MAPKAPK3: variants seen among roughly 807,000 people sequenced by gnomAD.
MAPKAPK3 encodes MAPK activated protein kinase 3, also known as MAP kinase-activated protein kinase 3.
A neutral mutation model predicts 49.2 loss-of-function variants in MAPKAPK3; 35 were observed. The observed-to-expected ratio is 0.71, with a 90% CI of 0.54 to 0.94. MAPKAPK3 has a LOEUF of 0.94. MAPKAPK3 is among the 40% of genes least tolerant of loss of function. The probability of loss-of-function intolerance (pLI) is 0.00; values close to 1 mark genes in which losing one functional copy is unlikely to be tolerated. For synonymous variants in MAPKAPK3, 178 were observed against 188.7 expected (o/e 0.94, Z 0.46); for missense variants, 398 against 493.1 (o/e 0.81, Z 1.83).
At chr3:50,634,990 C>T (rs2032999997) in intron 2 of MAPKAPK3, among the ~76,000 whole-genome samples, 1 of 152,186 alleles carries the variant, frequency 6.6e-6, no homozygotes, top group Admixed American at 6.5e-5. Flanking sequence ...TGCCTTGTTA[C>T]CCACTTATCT....
intron 9 of MAPKAPK3, 139 bp from the exon 10 acceptor site, chr3:50,646,984 A>G: frequency 9.8e-7 from 1 of 1,024,728 alleles, no homozygotes. Context: ...TGGCTTTGTC[A>G]CTGCCCTAGT....
At chr3:50,618,135 A>G (rs902037225) in intron 2 of MAPKAPK3, among the ~76,000 whole-genome samples, 4 of 152,172 alleles carry the variant, frequency 2.6e-5, no homozygotes, top group African/African-American at 9.7e-5. Context: ...TGCCCCTTCC[A>G]TGTGAAGCTC....
chr3:50,645,085 G>A (rs988475993), intron 6 of MAPKAPK3, among the ~76,000 whole-genome samples: 4 of 152,184 alleles, frequency 2.6e-5, no homozygotes, highest in African/African-American at 9.7e-5. Flanking sequence ...TAACCTGAGA[G>A]TGGGGTGATG....
At chr3:50,639,146 A>T (rs967310908) in intron 2 of MAPKAPK3, among the ~76,000 whole-genome samples, 1 of 152,186 alleles carries the variant, frequency 6.6e-6, no homozygotes, top group Non-Finnish European at 1.5e-5. Context: ...CGCCCACTGG[A>T]TGCTTGCCTT....
At chr3:50,622,326 C>A (rs188335438) in intron 2 of MAPKAPK3, among the ~76,000 whole-genome samples, 75 of 152,260 alleles carry the variant, frequency 4.9e-4, no homozygotes, top group African/African-American at 1.7e-3. Context: ...CAGTCCAGCC[C>A]ACCTCCCTTT....
At chr3:50,642,108 C>T (rs1485597417) in intron 4 of MAPKAPK3, 145 bp from the exon 5 acceptor site, 8 of 661,314 alleles carry the variant, frequency 1.2e-5, no homozygotes, top group East Asian at 2.7e-5. Flanking sequence ...GTAGACATCC[C>T]GGGATAGAGA....
At chr3:50,634,608 C>G (rs956876651) in intron 2 of MAPKAPK3, among the ~76,000 whole-genome samples, 1 of 152,084 alleles carries the variant, frequency 6.6e-6, no homozygotes, top group Non-Finnish European at 1.5e-5. Context: ...CCTGCCTCAG[C>G]CTTCCAAGTA....
At chr3:50,635,987 C>T (rs919946399) in intron 2 of MAPKAPK3, among the ~76,000 whole-genome samples, 1 of 149,962 alleles carries the variant, frequency 6.7e-6, no homozygotes, top group Non-Finnish European at 1.5e-5. Context: ...TGGCATGCAC[C>T]TGTGGTCCCA....
At chr3:50,644,310 C>T (rs1256774563) in intron 5 of MAPKAPK3, 99 bp from the exon 6 acceptor site, 5 of 1,420,132 alleles carry the variant, frequency 3.5e-6, no homozygotes, top group Middle Eastern at 2.2e-4. Flanking sequence ...GCTCCTTCTG[C>T]ACTGGGATGG....
intron 3 of MAPKAPK3, 48 bp from the exon 4 acceptor site, chr3:50,641,659 G>A (rs1415958117): frequency 6.8e-7 from 1 of 1,474,498 alleles, no homozygotes. Context: ...GCAAGGGTAG[G>A]ATGATGTGCA....
chr3:50,645,804 C>T lies in MAPKAPK3; in HGVS notation c.704+19C>T. ...ACATCCTGTGAGTACCTTCCCCACC[C>T]CCTGCCTCCATCTCCTGCCCTTACC... On this transcript the variant is annotated intron_variant, in intron 7 of 10. Transcript: ENST00000621469. The T allele has an allele frequency of 6.2e-7, 1 of 1,611,716 alleles. No individual in the cohort carries two copies. Among genetic ancestry groups the T allele is most frequent in the Non-Finnish European group, 8.5e-7 (1 of 1,177,916 alleles).
At chr3:50,613,448 G>C (rs943291041), upstream of MAPKAPK3, among the ~76,000 whole-genome samples, 3 of 152,218 alleles carry the variant, frequency 2.0e-5, no homozygotes, top group African/African-American at 7.2e-5. Flanking sequence ...CCACTTTCTT[G>C]GAATGGGGGT....
intron 4 of MAPKAPK3, 45 bp downstream of exon 4, chr3:50,641,816 G>A (rs1414371077): frequency 2.0e-6 from 3 of 1,520,666 alleles, no homozygotes; most frequent in Non-Finnish European, 1.8e-6. Context: ...AGGGTGAGAG[G>A]TATGGACCAG....
At chr3:50,619,427 G>A (rs538436129) in intron 2 of MAPKAPK3, among the ~76,000 whole-genome samples, 32 of 152,308 alleles carry the variant, frequency 2.1e-4, no homozygotes, top group South Asian at 1.5e-3. Flanking sequence ...CCCAGCAGTC[G>A]AATGGGGTCG....
intron 1 of MAPKAPK3, 90 bp from the exon 2 acceptor site, chr3:50,617,424 C>T: frequency 6.8e-6 from 4 of 591,200 alleles, no homozygotes; most frequent in Non-Finnish European, 1.2e-5. Flanking sequence ...CAGCTTGCCC[C>T]GGGCTCGCAG....
At chr3:50,644,679 G>C (rs186678459) in intron 6 of MAPKAPK3, 147 bp downstream of exon 6, 5 of 807,768 alleles carry the variant, frequency 6.2e-6, no homozygotes, top group African/African-American at 3.5e-5. Flanking sequence ...CGGGTGACGT[G>C]GGGGGCCGGA....
At chr3:50,627,434 A>G (rs1007985775) in intron 2 of MAPKAPK3, among the ~76,000 whole-genome samples, 1 of 152,248 alleles carries the variant, frequency 6.6e-6, no homozygotes, top group East Asian at 1.9e-4. Context: ...TCAGGGGAAC[A>G]TTTGGCTATG....
At chr3:50,638,112 A>G (rs1339160353) in intron 2 of MAPKAPK3, among the ~76,000 whole-genome samples, 1 of 152,114 alleles carries the variant, frequency 6.6e-6, no homozygotes, top group African/African-American at 2.4e-5. Context: ...TTAAGAGAGA[A>G]GAGGAGGACT....
At chr3:50,618,518 G>A (rs764527869) in intron 2 of MAPKAPK3, among the ~76,000 whole-genome samples, 52 of 152,284 alleles carry the variant, frequency 3.4e-4, no homozygotes, top group Non-Finnish European at 5.1e-4. Flanking sequence ...CCTGGTTCCA[G>A]CTTAAGGCAT....
Sources: allele counts gnomAD v4.1 joint callset (sites outside exome capture counted in the v4.1 genomes callset), GRCh38; gene constraint gnomAD v4.1.1; transcripts MANE v1.5; gene names NCBI Gene and HGNC (gene_info 2026-07-23, HGNC 2026-07-21).